CHCHD6: variants seen among roughly 807,000 people sequenced by gnomAD.
CHCHD6 encodes the protein MICOS complex subunit MIC25.
Under a neutral mutation model 32.3 loss-of-function variants are expected in CHCHD6, and 28 were observed. The ratio of observed to expected loss-of-function variants is 0.87; its 90% CI spans 0.64 to 1.19. The LOEUF is 1.19. CHCHD6 is among the 50% of genes most tolerant of loss of function. The pLI is 0.00. For missense variants in CHCHD6, 333 were observed against 307.0 expected, an observed-to-expected ratio of 1.08 and a Z score of -0.63; for synonymous variants, 122 against 117.5, an observed-to-expected ratio of 1.04 and a Z score of -0.25.
intron 1 of CHCHD6, among the ~76,000 whole-genome samples, chr3:126,704,849 A>G (rs575136191): frequency 1.3e-5 from 2 of 152,274 alleles, no homozygotes; most frequent in African/African-American, 4.8e-5. Flanking sequence ...GGGCGCAGGA[A>G]GAACCATAGC....
At chr3:126,917,076 T>TCTCA (rs2078182302) in intron 6 of CHCHD6, among the ~76,000 whole-genome samples, 1 of 152,258 alleles carries the variant, frequency 6.6e-6, no homozygotes, top group Admixed American at 6.5e-5. Context: ...TCATAGCCTT[T>TCTCA]CTCATCCTCA....
At chr3:126,808,117 C>T (rs575267670) in intron 4 of CHCHD6, among the ~76,000 whole-genome samples, 21 of 152,258 alleles carry the variant, frequency 1.4e-4, no homozygotes, top group South Asian at 6.2e-4. Context: ...TACGATCATC[C>T]GAAGGCTTGT....
intron 4 of CHCHD6, among the ~76,000 whole-genome samples, chr3:126,821,665 A>T (rs557193093): frequency 5.3e-5 from 8 of 152,292 alleles, no homozygotes; most frequent in Admixed American, 5.2e-4. Context: ...TGACGGTTCC[A>T]GTTTCCCACA....
chr3:126,864,212 A>G (rs1455745813), intron 5 of CHCHD6, among the ~76,000 whole-genome samples: 2 of 31,038 alleles, frequency 6.4e-5, no homozygotes, highest in Non-Finnish European at 1.3e-4. Context: ...CCACCTCCTC[A>G]TCCTCCACCA....
rs55698121 is a variant in CHCHD6, at chr3:126,772,311, C to T, written c.411+39089C>T. Among the ~76,000 whole-genome samples the T allele has an allele frequency of 7.5e-3, 1,147 of 152,238 alleles. 7 individuals are homozygous for T. The highest frequency in any genetic ancestry group is 0.012 in the Non-Finnish European group (837 of 68,002). Reference sequence around the variant, plus strand: ...AGAGGCAGGGTTTCACCATGTTAGCCAGGATGGTCTTGATCTCCTGACCTC... The same window carrying T: ...AGAGGCAGGGTTTCACCATGTTAGCTAGGATGGTCTTGATCTCCTGACCTC... On this transcript the variant is annotated intron_variant, in intron 4 of 7. Coordinates refer to ENST00000290913, the MANE Select transcript of CHCHD6 (RefSeq NM_032343.3).
intron 5 of CHCHD6, among the ~76,000 whole-genome samples, chr3:126,882,413 A>G (rs963101255): frequency 6.6e-6 from 1 of 152,214 alleles, no homozygotes; most frequent in South Asian, 2.1e-4. Flanking sequence ...TGGTTGTGCT[A>G]CTAAGAAACA....
At chr3:126,704,535 A>T in intron 1 of CHCHD6, 136 bp downstream of exon 1, 1 of 518,850 alleles carries the variant, frequency 1.9e-6, no homozygotes, top group East Asian at 3.7e-5. Flanking sequence ...GGCTCAGGCC[A>T]GGAAGAGGCT....
intron 4 of CHCHD6, among the ~76,000 whole-genome samples, chr3:126,794,022 C>T (rs934424808): frequency 2.0e-5 from 3 of 151,930 alleles, no homozygotes; most frequent in African/African-American, 7.2e-5. Context: ...AAGGTATTTT[C>T]TTTGTCTATA....
chr3:126,852,170 C>T (rs77331593), intron 4 of CHCHD6, among the ~76,000 whole-genome samples: 2,752 of 152,332 alleles, frequency 0.018, 31 homozygotes, highest in Middle Eastern at 0.051. Context: ...ACACCAAGGC[C>T]AGCACATAGC....
chr3:126,787,910 C>G (rs1938305220), intron 4 of CHCHD6, among the ~76,000 whole-genome samples: 1 of 152,130 alleles, frequency 6.6e-6, no homozygotes, highest in Non-Finnish European at 1.5e-5. Context: ...TGCCAGTTTT[C>G]AAAGGGAATG....
At chr3:126,912,281 G>T (rs1486620263) in intron 5 of CHCHD6, among the ~76,000 whole-genome samples, 2 of 152,210 alleles carry the variant, frequency 1.3e-5, no homozygotes, top group Admixed American at 1.3e-4. Flanking sequence ...AAGGGCGTCT[G>T]CATGGAGTGG....
At chr3:126,730,305 C>T (rs979872701) in intron 2 of CHCHD6, among the ~76,000 whole-genome samples, 1 of 152,162 alleles carries the variant, frequency 6.6e-6, no homozygotes, top group Non-Finnish European at 1.5e-5. Context: ...GAACACTGCA[C>T]CCAGTGTTGT....
intron 4 of CHCHD6, among the ~76,000 whole-genome samples, chr3:126,747,637 T>G (rs1433274193): frequency 6.6e-6 from 1 of 152,222 alleles, no homozygotes; most frequent in Non-Finnish European, 1.5e-5. Context: ...AGAAATCTGC[T>G]TTACCTCCAT....
Position 126,960,376 on chromosome 3 carries a change from T to C in CHCHD6, c.*175T>C. The stretch of plus-strand genomic sequence containing the variant: ...GTATGCGCTACTGTCTGAAAACAAA[T>C]AAAGCAGATGCCTTTGTTTTCAGTC... On this transcript the variant is annotated 3_prime_UTR_variant, in exon 8 of 8. Transcript: ENST00000290913. 1 of 701,722 alleles carries C rather than the reference T, an allele frequency of 1.4e-6. No individual in the cohort carries two copies. Among genetic ancestry groups the C allele is most frequent in the Non-Finnish European group, 2.4e-6 (1 of 411,732 alleles). The allele number at this position is 701,722 out of a possible 1,614,324, so 43.5% of individuals were successfully genotyped here. A position where few individuals can be genotyped will look rare whatever the true frequency, so the allele number is the denominator to read the frequency against.
At chr3:126,805,981 G>C (rs1020193366) in intron 4 of CHCHD6, among the ~76,000 whole-genome samples, 1 of 152,304 alleles carries the variant, frequency 6.6e-6, no homozygotes, top group African/African-American at 2.4e-5. Flanking sequence ...ATGGTGCTGG[G>C]AAAACTGGCT....
intron 1 of CHCHD6, among the ~76,000 whole-genome samples, chr3:126,707,196 G>A (rs769630344): frequency 6.6e-6 from 1 of 151,956 alleles, no homozygotes. Flanking sequence ...AACCCAGGAG[G>A]GGGAGGTTGC....
intron 5 of CHCHD6, among the ~76,000 whole-genome samples, chr3:126,857,654 T>C (rs921121451): frequency 7.9e-5 from 12 of 152,188 alleles, no homozygotes; most frequent in Non-Finnish European, 1.8e-4. Context: ...GAATTAAATA[T>C]AGGATTTCCA....
chr3:126,705,062 G>T (rs1248013993), intron 1 of CHCHD6, among the ~76,000 whole-genome samples: 1 of 152,148 alleles, frequency 6.6e-6, no homozygotes, highest in African/African-American at 2.4e-5. Flanking sequence ...TTCCTGGAGG[G>T]TGCCGCTGGC....
At position 126,907,422 on chromosome 3, in the gene CHCHD6, A is replaced by G. The variant is rs554767569; in HGVS notation, c.496-7258A>G. On this transcript the variant is annotated intron_variant, in intron 5 of 7. Transcript: ENST00000290913. ...ATTCATTGGTTGTGTAGCTGACTGCATGTCCTGAGCTTTAATTTTTTATAT... is the reference window on the plus strand; with the variant it reads ...ATTCATTGGTTGTGTAGCTGACTGCGTGTCCTGAGCTTTAATTTTTTATAT... Among the ~76,000 whole-genome samples the G allele has an allele frequency of 2.6e-5, 4 of 152,332 alleles. No individual in the cohort carries two copies. In the East Asian group the frequency reaches 5.8e-4, roughly 22 times the overall value.
Sources: gnomAD v4.1 joint callset for allele counts (sites outside exome capture counted in the v4.1 genomes callset) on GRCh38, gnomAD v4.1.1 for gene constraint, MANE v1.5 for transcripts, NCBI Gene and HGNC (gene_info 2026-07-23, HGNC 2026-07-21) for gene names.